VSTM4: variants seen among roughly 807,000 people sequenced by gnomAD.
The protein encoded by VSTM4 is V-set and transmembrane domain-containing protein 4.
In VSTM4, 20 loss-of-function variants were observed where a neutral mutation model predicts 36.4. The ratio of observed to expected loss-of-function variants is 0.55; its 90% CI spans 0.39 to 0.80. The LOEUF is 0.80. Ranked by LOEUF, VSTM4 falls within the 30% of genes least tolerant of loss-of-function variation. The probability of loss-of-function intolerance (pLI) is 0.00; values close to 1 mark genes in which losing one functional copy is unlikely to be tolerated. For missense variants in VSTM4, 392 were observed against 404.5 expected, an observed-to-expected ratio of 0.97 and a Z score of 0.26; for synonymous variants, 182 against 173.9, an observed-to-expected ratio of 1.05 and a Z score of -0.37.
chr10:49,099,126 C>G (rs1366611478), intron 2 of VSTM4, among the ~76,000 whole-genome samples: 1 of 152,216 alleles, frequency 6.6e-6, no homozygotes, highest in East Asian at 1.9e-4. Context: ...CAGTTAGGGT[C>G]TCACCAGTGT....
intron 3 of VSTM4, among the ~76,000 whole-genome samples, chr10:49,078,170 G>A (rs747248413): frequency 6.6e-6 from 1 of 152,182 alleles, no homozygotes; most frequent in Non-Finnish European, 1.5e-5. Flanking sequence ...CCAAATGCTG[G>A]CAAGGATACA....
chr10:49,037,856 T>A (rs1020943207), intron 7 of VSTM4, among the ~76,000 whole-genome samples: 1 of 151,774 alleles, frequency 6.6e-6, no homozygotes, highest in East Asian at 1.9e-4. Context: ...CATAAAAAGA[T>A]GCTCAACATC....
At chr10:49,080,805 A>C (rs1040891601) in intron 3 of VSTM4, among the ~76,000 whole-genome samples, 2 of 152,248 alleles carry the variant, frequency 1.3e-5, no homozygotes, top group African/African-American at 4.8e-5. Flanking sequence ...AAGCCCTGTC[A>C]GTAGGCTGGT....
At chr10:49,095,202 C>T (rs1590126723) in intron 2 of VSTM4, among the ~76,000 whole-genome samples, 1 of 152,138 alleles carries the variant, frequency 6.6e-6, no homozygotes, top group Admixed American at 6.5e-5. Context: ...ATACTGAAAC[C>T]TAGGGCTTGG....
At chr10:49,114,707 T>C (rs538396941) in intron 1 of VSTM4, among the ~76,000 whole-genome samples, 6 of 151,860 alleles carry the variant, frequency 4.0e-5, no homozygotes, top group Admixed American at 3.3e-4. Context: ...ATACCTGTAT[T>C]ATTACTATTA....
intron 2 of VSTM4, among the ~76,000 whole-genome samples, chr10:49,100,782 A>G (rs910726395): frequency 3.6e-5 from 5 of 138,594 alleles, no homozygotes; most frequent in African/African-American, 1.5e-4. Flanking sequence ...AACTAAATGT[A>G]TAAGAATAGC....
intron 1 of VSTM4, 50 bp from the exon 2 acceptor site, chr10:49,108,045 C>A: frequency 1.3e-6 from 2 of 1,506,454 alleles, no homozygotes; most frequent in South Asian, 1.3e-5. Context: ...CCAAGTCCCC[C>A]TGTGGGCAGT....
At position 49,016,631 on chromosome 10, in the gene VSTM4, T is replaced by G. The variant is rs1242134075; in HGVS notation, c.*3019A>C. 1 of 152,204 alleles carries G rather than the reference T, an allele frequency of 6.6e-6. No homozygotes were observed. The highest frequency in any genetic ancestry group is 1.9e-4 in the East Asian group (1 of 5,204). 9.4% of individuals were successfully genotyped at this position (152,204 alleles called of 1,614,324 possible). On this transcript the variant is annotated 3_prime_UTR_variant, in exon 8 of 8. Coordinates refer to ENST00000332853, the MANE Select transcript of VSTM4 (RefSeq NM_001031746.5). ...CTGTGTGGGCCAGCCCACATTATCATACACTAAAAATATATTTTCTAAATG... is the reference window on the plus strand; with the variant it reads ...CTGTGTGGGCCAGCCCACATTATCAGACACTAAAAATATATTTTCTAAATG...
intron 2 of VSTM4, among the ~76,000 whole-genome samples, chr10:49,086,270 GC>G (rs1844369368): frequency 6.6e-6 from 1 of 152,186 alleles, no homozygotes; most frequent in African/African-American, 2.4e-5. Flanking sequence ...TTCAGTAAAA[GC>G]CCCACTTGCC....
At chr10:49,074,497 G>C (rs1006186315) in intron 4 of VSTM4, among the ~76,000 whole-genome samples, 2 of 152,176 alleles carry the variant, frequency 1.3e-5, no homozygotes, top group Non-Finnish European at 2.9e-5. Flanking sequence ...AGGTTCCCAC[G>C]TGAACGGTCT....
At chr10:49,064,638 G>A in intron 5 of VSTM4, 65 bp downstream of exon 5, 1 of 1,524,656 alleles carries the variant, frequency 6.6e-7, no homozygotes, top group Non-Finnish European at 9.0e-7. Context: ...CAATTTATTG[G>A]TAATATCAAA....
intron 5 of VSTM4, among the ~76,000 whole-genome samples, chr10:49,050,330 T>C (rs1843678227): frequency 6.6e-6 from 1 of 152,190 alleles, no homozygotes; most frequent in African/African-American, 2.4e-5. Flanking sequence ...GCTAAGGAAC[T>C]AAACAGATGT....
chr10:49,063,523 G>A (rs1290483775), intron 5 of VSTM4, among the ~76,000 whole-genome samples: 3 of 152,078 alleles, frequency 2.0e-5, no homozygotes, highest in Non-Finnish European at 4.4e-5. Context: ...TCTTATTTTT[G>A]TAGGCAGTCA....
rs1456100042 is a variant in VSTM4 at position 49,099,514 on chromosome 10, T to C, written c.457+8080A>G. 2.6e-5 allele frequency among the ~76,000 whole-genome samples: 4 copies of C among 152,326 alleles called. No individual in the cohort carries two copies. The East Asian group carries it at 7.7e-4, about 29-fold the overall frequency. ...TGGGCTTCTTTTTCAATGTTATTGA[T>C]AAAACAATCAAAGGAAATCAAACCT... is the stretch of plus-strand genomic sequence containing the variant. On this transcript the variant is annotated intron_variant, in intron 2 of 7. Transcript: ENST00000332853.
chr10:49,058,155 T>A (rs928942108), intron 5 of VSTM4, among the ~76,000 whole-genome samples: 1 of 152,216 alleles, frequency 6.6e-6, no homozygotes, highest in Non-Finnish European at 1.5e-5. Context: ...CTTGACTTTC[T>A]GTACCATTCA....
intron 2 of VSTM4, among the ~76,000 whole-genome samples, chr10:49,105,256 AAAGC>A (rs1197679550): frequency 5.4e-5 from 8 of 148,986 alleles, no homozygotes; most frequent in African/African-American, 9.9e-5. Context: ...AAAGAGATAG[AAAGC>A]CAGAAACAGA....
chr10:49,107,856 T>C lies in VSTM4; in HGVS notation c.195A>G (p.Ala65=), dbSNP rs918497966. The C allele has an allele frequency of 1.2e-6, 2 of 1,614,070 alleles. No individual in the cohort carries two copies. Among genetic ancestry groups the C allele is most frequent in the Non-Finnish European group, 1.7e-6 (2 of 1,180,044 alleles). The change falls in exon 2 of 8, where the codon GCA becomes GCG. Residue 65 remains alanine (A), a synonymous_variant. Coordinates refer to ENST00000332853, the MANE Select transcript of VSTM4 (RefSeq NM_001031746.5). Reference sequence around the variant, plus strand: ...AGGCCTCCTGGGAGTCGAAGGAGTGTGCAAAGAACCAGCGCACGGCCAGCA... The same window carrying C: ...AGGCCTCCTGGGAGTCGAAGGAGTGCGCAAAGAACCAGCGCACGGCCAGCA... ...DSLLAVRWFF[A]HSFDSQEALM... is the part of the protein sequence containing the mutation.
chr10:49,066,510 A>C (rs1288653419), intron 4 of VSTM4, among the ~76,000 whole-genome samples: 1 of 152,208 alleles, frequency 6.6e-6, no homozygotes, highest in Non-Finnish European at 1.5e-5. Flanking sequence ...AAAATTGAGG[A>C]GTATAAGAAA....
At chr10:49,074,109 G>A (rs950772902) in intron 4 of VSTM4, among the ~76,000 whole-genome samples, 8 of 152,124 alleles carry the variant, frequency 5.3e-5, no homozygotes, top group African/African-American at 1.9e-4. Context: ...CTTATCTAGC[G>A]TTTATTTCAA....
Sources: gnomAD v4.1 joint callset for allele counts (sites outside exome capture counted in the v4.1 genomes callset) on GRCh38, gnomAD v4.1.1 for gene constraint, MANE v1.5 for transcripts, NCBI Gene and HGNC (gene_info 2026-07-23, HGNC 2026-07-21) for gene names.